Variants in CENPK observed in about 807,000 individuals in gnomAD.
CENPK encodes SoxLZ/Sox6-binding protein Solt.
In CENPK, 46 loss-of-function variants were observed where a neutral mutation model predicts 40.9. The ratio of observed to expected loss-of-function variants is 1.13; its 90% CI spans 0.89 to 1.44. The LOEUF (loss-of-function observed/expected upper bound fraction) is 1.44. CENPK is among the 40% of genes most tolerant of loss of function. CENPK has a pLI of 0.00. For missense variants in CENPK, 288 were observed against 303.5 expected, an observed-to-expected ratio of 0.95 and a Z score of 0.38; for synonymous variants, 107 against 104.4, an observed-to-expected ratio of 1.02 and a Z score of -0.15.
At chr5:65,540,526 T>C (rs1747782511) in intron 6 of CENPK, among the ~76,000 whole-genome samples, 2 of 152,262 alleles carry the variant, frequency 1.3e-5, no homozygotes, top group African/African-American at 4.8e-5. Flanking sequence ...GACCAAAACC[T>C]GACTAGAACA....
the CENPK span, among the ~76,000 whole-genome samples, chr5:65,509,966 G>A: frequency 6.6e-6 from 1 of 152,190 alleles, no homozygotes; most frequent in Non-Finnish European, 1.5e-5. Flanking sequence ...TAAATGTTGT[G>A]TGTATTTTGA....
chr5:65,551,485 G>A (rs1023662516), intron 5 of CENPK, 79 bp downstream of exon 5: 58 of 804,422 alleles, frequency 7.2e-5, no homozygotes, highest in Non-Finnish European at 6.8e-5. Context: ...AATGGATCTT[G>A]TAATTTTTCC....
chr5:65,519,875 A>G, intron 10 of CENPK, among the ~76,000 whole-genome samples: 1 of 152,264 alleles, frequency 6.6e-6, no homozygotes. Flanking sequence ...TTTAGTACAA[A>G]TCTTTCCTAT....
chr5:65,541,525 G>GA (rs1318178962), intron 6 of CENPK: 1 of 443,504 alleles, frequency 2.3e-6, no homozygotes, highest in Non-Finnish European at 4.6e-6. Context: ...CGGAGACTAG[G>GA]AAAAACACTT....
intron 2 of CENPK, among the ~76,000 whole-genome samples, chr5:65,559,708 G>A (rs1029300553): frequency 6.6e-6 from 1 of 151,820 alleles, no homozygotes; most frequent in African/African-American, 2.4e-5. Flanking sequence ...AAATAAGATG[G>A]GAGGACATAC....
intron 6 of CENPK, 92 bp downstream of exon 6, chr5:65,542,710 G>A: frequency 1.2e-6 from 1 of 854,190 alleles, no homozygotes; most frequent in Non-Finnish European, 1.8e-6. Flanking sequence ...GTTTTAGAGT[G>A]GTTTTATCCT....
At chr5:65,529,962 G>A (rs113470058) in intron 6 of CENPK, among the ~76,000 whole-genome samples, 30,014 of 151,222 alleles carry the variant, frequency 0.2, 3,487 homozygotes, top group South Asian at 0.32. Context: ...GTGCCACCAC[G>A]CCCAGCTAAT....
At chr5:65,501,609 G>A in the CENPK span, among the ~76,000 whole-genome samples, 1 of 139,948 alleles carries the variant, frequency 7.1e-6, no homozygotes, top group Admixed American at 7.3e-5. Context: ...CTCAAATCTT[G>A]TTTTAGCAGG....
intron 2 of CENPK, among the ~76,000 whole-genome samples, chr5:65,557,978 G>A (rs534466081): frequency 1.3e-5 from 2 of 152,298 alleles, no homozygotes; most frequent in Admixed American, 6.5e-5. Context: ...GGCAGCACAT[G>A]CCTGTATTCC....
chr5:65,554,976 A>G (rs1055411549), intron 2 of CENPK, 30 bp from the exon 3 acceptor site: 2 of 935,856 alleles, frequency 2.1e-6, no homozygotes, highest in South Asian at 2.7e-5. Context: ...TTCATTCAGC[A>G]GTATTGGTTG....
chr5:65,551,853 A>G (rs2305117), intron 4 of CENPK, among the ~76,000 whole-genome samples: 61,793 of 151,892 alleles, frequency 0.41, 12,929 homozygotes, highest in East Asian at 0.65. Flanking sequence ...ATTATAATGA[A>G]TGTCAGTCCT....
rs751199715 is a variant in CENPK at position 65,551,653 on chromosome 5, CAA to C, written c.169-19_169-18del. The C allele has an allele frequency of 7.0e-7, 1 of 1,436,858 alleles. No homozygotes were observed. The highest frequency in any genetic ancestry group is 1.4e-5 in the African/African-American group (1 of 70,100). 89.0% of individuals were successfully genotyped at this position (1,436,858 alleles called of 1,614,324 possible). On this transcript the variant is annotated intron_variant, in intron 4 of 10. Transcript: ENST00000396679. ...CAATGATAGCTACAAAAGAAGAAAA[CAA>C]AGTCATTTTCTGTGGACTATTCATA...
the CENPK span, among the ~76,000 whole-genome samples, chr5:65,510,773 T>C: frequency 7.4e-5 from 9 of 121,094 alleles, no homozygotes; most frequent in African/African-American, 2.8e-4. Flanking sequence ...CGAAACTCCA[T>C]CTCAAAAAAA....
chr5:65,558,863 T>G (rs1751428981), intron 2 of CENPK, among the ~76,000 whole-genome samples: 1 of 152,162 alleles, frequency 6.6e-6, no homozygotes, highest in African/African-American at 2.4e-5. Flanking sequence ...TATAAGGATA[T>G]TAAAATCACT....
intron 6 of CENPK, among the ~76,000 whole-genome samples, chr5:65,533,838 C>T (rs780587811): frequency 6.6e-6 from 1 of 151,720 alleles, no homozygotes; most frequent in Non-Finnish European, 1.5e-5. Flanking sequence ...GTCAGGAGAT[C>T]GAGACCATCC....
downstream of CENPK, among the ~76,000 whole-genome samples, chr5:65,517,134 G>C (rs1742916684): frequency 6.6e-6 from 1 of 152,052 alleles, no homozygotes; most frequent in Non-Finnish European, 1.5e-5. Context: ...GTAAAGACAG[G>C]GTTTCACCAT....
the CENPK span, among the ~76,000 whole-genome samples, chr5:65,508,767 G>A: frequency 3.1e-5 from 4 of 130,394 alleles, no homozygotes; most frequent in Admixed American, 9.0e-5. Flanking sequence ...GCCTGGGTGC[G>A]ACAGAGCAAG....
intron 6 of CENPK, among the ~76,000 whole-genome samples, chr5:65,530,401 T>TA (rs1203003469): frequency 6.6e-6 from 1 of 152,196 alleles, no homozygotes; most frequent in Admixed American, 6.5e-5. Context: ...AGGTAACATT[T>TA]AAATAACAGA....
At chr5:65,555,351 G>A (rs1362929104) in intron 2 of CENPK, 6 of 156,316 alleles carry the variant, frequency 3.8e-5, no homozygotes, top group Admixed American at 6.5e-5. Context: ...AGGCCTTGAT[G>A]CAGGAATATG....
Sources: allele counts gnomAD v4.1 joint callset (sites outside exome capture counted in the v4.1 genomes callset), GRCh38; gene constraint gnomAD v4.1.1; transcripts MANE v1.5; gene names NCBI Gene and HGNC (gene_info 2026-07-23, HGNC 2026-07-21).